FBXO4: variants seen among roughly 807,000 people sequenced by gnomAD.
FBXO4 encodes the protein F-box protein 4.
Under a neutral mutation model 43.7 loss-of-function variants are expected in FBXO4, and 36 were observed. That is an observed-to-expected ratio of 0.82 (90% CI 0.63 to 1.09). The LOEUF (loss-of-function observed/expected upper bound fraction) is 1.09. Ranked by LOEUF, FBXO4 falls within the 50% of genes least tolerant of loss-of-function variation. The pLI, the probability that FBXO4 is intolerant of heterozygous loss-of-function variation, is 0.00. For synonymous variants in FBXO4, 180 were observed against 165.6 expected, an observed-to-expected ratio of 1.09 and a Z score of -0.67; for missense variants, 435 against 474.1, an observed-to-expected ratio of 0.92 and a Z score of 0.77.
At chr5:42,000,610 T>C in the FBXO4 span, among the ~76,000 whole-genome samples, 1 of 152,214 alleles carries the variant, frequency 6.6e-6, no homozygotes, top group Non-Finnish European at 1.5e-5. Flanking sequence ...TTTCCTGTTT[T>C]CCTTTTGTTG....
rs1425936306 is a variant in FBXO4, at chr5:41,925,349, C to T, written c.40C>T (p.Pro14Ser). 7.3e-6 allele frequency: 10 copies of T among 1,368,260 alleles called. No individual in the cohort carries two copies. Among genetic ancestry groups the T allele is most frequent in the Non-Finnish European group, 8.5e-6 (9 of 1,056,714 alleles). 84.8% of individuals were successfully genotyped at this position (1,368,260 alleles called of 1,614,324 possible). Reference sequence around the variant, plus strand: ...GCCGCGCAGCGGAACAAACTCGCCGCCGCCGCCCTTCAGCGACTGGGGCCG... The same window carrying T: ...GCCGCGCAGCGGAACAAACTCGCCGTCGCCGCCCTTCAGCGACTGGGGCCG... ...SEPRSGTNSP[P>S]PPFSDWGRLE... is the part of the protein sequence containing the mutation. The change falls in exon 1 of 7, where the codon CCG (proline) becomes TCG (serine). Residue 14 changes from proline to serine, a missense_variant. Transcript: ENST00000281623.
chr5:42,010,931 G>A, the FBXO4 span, among the ~76,000 whole-genome samples: 1 of 151,754 alleles, frequency 6.6e-6, no homozygotes, highest in Non-Finnish European at 1.5e-5. Context: ...GAACCTGCAG[G>A]TTTGTTACAT....
downstream of FBXO4, among the ~76,000 whole-genome samples, chr5:41,944,331 T>G (rs1752046161): frequency 6.6e-6 from 1 of 152,202 alleles, no homozygotes; most frequent in Non-Finnish European, 1.5e-5. Context: ...GTCAAAATAA[T>G]TTTTCTAAAT....
chr5:41,978,671 C>T, the FBXO4 span, among the ~76,000 whole-genome samples: 17 of 152,200 alleles, frequency 1.1e-4, no homozygotes, highest in African/African-American at 4.1e-4. Context: ...AAGTTTTTCT[C>T]ATATATAATC....
At chr5:41,983,444 T>C in the FBXO4 span, among the ~76,000 whole-genome samples, 2 of 151,352 alleles carry the variant, frequency 1.3e-5, no homozygotes, top group Non-Finnish European at 2.9e-5. Flanking sequence ...CTGTCAACTT[T>C]AGCATTTTCT....
chr5:41,981,133 C>A, the FBXO4 span, among the ~76,000 whole-genome samples: 67 of 152,084 alleles, frequency 4.4e-4, no homozygotes, highest in African/African-American at 1.6e-3. Context: ...AATACTATAT[C>A]ATTACAATTC....
chr5:42,032,438 A>G, the FBXO4 span, among the ~76,000 whole-genome samples: 1 of 152,102 alleles, frequency 6.6e-6, no homozygotes, highest in South Asian at 2.1e-4. Flanking sequence ...CTGGCACTCA[A>G]TTCACAAGGC....
the FBXO4 span, among the ~76,000 whole-genome samples, chr5:42,030,850 T>TA: frequency 1.3e-5 from 2 of 151,884 alleles, no homozygotes; most frequent in Admixed American, 6.6e-5. Context: ...AAAAAATACA[T>TA]AAAAAAATCC....
At chr5:41,954,152 A>AT in the FBXO4 span, among the ~76,000 whole-genome samples, 1 of 151,308 alleles carries the variant, frequency 6.6e-6, no homozygotes, top group African/African-American at 2.4e-5. Flanking sequence ...AGTTCCTACA[A>AT]TTTTTTTTTC....
the FBXO4 span, among the ~76,000 whole-genome samples, chr5:41,999,767 T>A: frequency 6.6e-6 from 1 of 151,326 alleles, no homozygotes; most frequent in Non-Finnish European, 1.5e-5. Context: ...CTTTTCACAT[T>A]TTTCTGCCTG....
the FBXO4 span, among the ~76,000 whole-genome samples, chr5:41,947,310 G>GTT: frequency 1.2e-4 from 19 of 152,204 alleles, no homozygotes; most frequent in African/African-American, 4.3e-4. Context: ...GCAGGATTGG[G>GTT]TTTAGGCTGA....
chr5:41,948,229 A>G, the FBXO4 span, among the ~76,000 whole-genome samples: 1 of 147,104 alleles, frequency 6.8e-6, no homozygotes, highest in African/African-American at 2.6e-5. Context: ...TCTGCCTCCC[A>G]GGTTCACACC....
At chr5:41,937,723 G>A (rs1345005344) in intron 5 of FBXO4, among the ~76,000 whole-genome samples, 1 of 152,194 alleles carries the variant, frequency 6.6e-6, no homozygotes, top group Non-Finnish European at 1.5e-5. Context: ...ACCAGCATCT[G>A]GTGTCTGGTG....
At chr5:41,962,996 A>G in the FBXO4 span, among the ~76,000 whole-genome samples, 1 of 152,196 alleles carries the variant, frequency 6.6e-6, no homozygotes, top group Non-Finnish European at 1.5e-5. Flanking sequence ...TTAAGTCATT[A>G]GGTTTTATCC....
chr5:41,967,212 G>T, the FBXO4 span: 10 of 486,796 alleles, frequency 2.1e-5, no homozygotes, highest in African/African-American at 1.8e-4. Context: ...TTTTTTTGTG[G>T]CAATTATGGT....
chr5:42,031,284 C>T, the FBXO4 span, among the ~76,000 whole-genome samples: 2 of 151,864 alleles, frequency 1.3e-5, no homozygotes, highest in South Asian at 2.1e-4. Flanking sequence ...AGCCATAAAA[C>T]GTGATGAGTT....
the FBXO4 span, among the ~76,000 whole-genome samples, chr5:42,036,723 GA>G: frequency 1.3e-5 from 2 of 152,082 alleles, no homozygotes; most frequent in African/African-American, 4.8e-5. Context: ...GACTGGATTG[GA>G]AGGGTTAGAG....
chr5:41,941,286 C>G lies in FBXO4; in HGVS notation c.*5C>G, dbSNP rs754477373. Reference sequence around the variant, plus strand: ...GAATCTAAGCGTGCAAGATGATTCTCTTTTCAGATCTTGGGAACTGAAACC... The same window carrying G: ...GAATCTAAGCGTGCAAGATGATTCTGTTTTCAGATCTTGGGAACTGAAACC... On this transcript the variant is annotated 3_prime_UTR_variant, in exon 7 of 7. Coordinates refer to ENST00000281623, the MANE Select transcript of FBXO4 (RefSeq NM_012176.3). 1.2e-6 allele frequency: 2 copies of G among 1,610,858 alleles called. No individual in the cohort carries two copies. Among genetic ancestry groups the G allele is most frequent in the Non-Finnish European group, 8.5e-7 (1 of 1,177,374 alleles).
the FBXO4 span, among the ~76,000 whole-genome samples, chr5:42,034,677 T>C: frequency 6.6e-6 from 1 of 152,198 alleles, no homozygotes; most frequent in Non-Finnish European, 1.5e-5. Context: ...TGGTTGTAGA[T>C]GTATGGTGTT....
Sources: gnomAD v4.1 joint callset for allele counts (sites outside exome capture counted in the v4.1 genomes callset) on GRCh38, gnomAD v4.1.1 for gene constraint, MANE v1.5 for transcripts, NCBI Gene and HGNC (gene_info 2026-07-23, HGNC 2026-07-21) for gene names.